The following DCC variants were observed in gnomAD, a reference collection of about 807,000 sequenced individuals.
DCC encodes DCC netrin 1 receptor, also known as netrin receptor DCC.
DCC carries 58 observed loss-of-function variants against 172.5 expected under a neutral mutation model. That is an observed-to-expected ratio of 0.34 (90% CI 0.27 to 0.42). DCC has a LOEUF of 0.42. Among genes scored for constraint, DCC ranks in the 10% least tolerant of loss-of-function variants. The pLI is 1.00. For synonymous variants in DCC, 709 were observed against 644.5 expected (o/e 1.10, Z -1.52); for missense variants, 1,740 against 1,791.0 (o/e 0.97, Z 0.51).
At chr18:52,816,738 C>G (rs1598832868) in intron 2 of DCC, 1 of 152,246 alleles carries the variant, frequency 6.6e-6, no homozygotes, top group East Asian at 1.9e-4. Context: ...ACAGCCGATG[C>G]AGCTGTCCCC....
At chr18:53,242,258 G>T (rs1334688179) in intron 12 of DCC, among the ~76,000 whole-genome samples, 1 of 152,140 alleles carries the variant, frequency 6.6e-6, no homozygotes, top group African/African-American at 2.4e-5. Flanking sequence ...TAATTGGCTA[G>T]TGTAGACCTG....
intron 8 of DCC, among the ~76,000 whole-genome samples, chr18:53,167,994 C>T (rs1029483625): frequency 6.6e-6 from 1 of 151,998 alleles, no homozygotes; most frequent in Non-Finnish European, 1.5e-5. Flanking sequence ...AAATGCAAAT[C>T]AAATCAAAAC....
chr18:52,975,701 T>C (rs1027391307), intron 5 of DCC, among the ~76,000 whole-genome samples: 5 of 152,220 alleles, frequency 3.3e-5, no homozygotes, highest in African/African-American at 4.8e-5. Context: ...CATTCATTTA[T>C]GGCTGCATAG....
intron 1 of DCC, among the ~76,000 whole-genome samples, chr18:52,649,970 T>A (rs1327821769): frequency 7.9e-6 from 1 of 127,206 alleles, no homozygotes; most frequent in Non-Finnish European, 1.6e-5. Context: ...AGATGATAGT[T>A]CTATTTTTTT....
chr18:52,809,314 GCTCCCAAGATGGCGGCAGGCCA>G (rs1196072990), intron 2 of DCC: 2 of 156,540 alleles, frequency 1.3e-5, no homozygotes, highest in Non-Finnish European at 2.8e-5. Flanking sequence ...TGTTCTTAGA[GCTCCCAAGATGGCGGCAGGCCA>G]CTCCCAAGAT....
intron 1 of DCC, among the ~76,000 whole-genome samples, chr18:52,710,852 ATAACT>A (rs2036281380): frequency 1.3e-5 from 2 of 152,200 alleles, no homozygotes; most frequent in African/African-American, 2.4e-5. Flanking sequence ...GATCTTAGAA[ATAACT>A]TTATTGTATT....
At chr18:52,633,744 C>T (rs2034720288) in intron 1 of DCC, among the ~76,000 whole-genome samples, 1 of 152,220 alleles carries the variant, frequency 6.6e-6, no homozygotes, top group South Asian at 2.1e-4. Flanking sequence ...GGAATAGCCT[C>T]TGACTCTCCT....
At chr18:53,462,252 C>T (rs1440663529) in intron 24 of DCC, among the ~76,000 whole-genome samples, 1 of 152,130 alleles carries the variant, frequency 6.6e-6, no homozygotes. Flanking sequence ...GGCCACACAG[C>T]AGGAGGTGAG....
chr18:52,986,650 C>T (rs1045436998), intron 5 of DCC, among the ~76,000 whole-genome samples: 5 of 151,790 alleles, frequency 3.3e-5, no homozygotes, highest in African/African-American at 1.2e-4. Context: ...TTATTTTTCT[C>T]TTCTAATTTC....
At chr18:53,184,464 A>G (rs1444488668) in intron 9 of DCC, among the ~76,000 whole-genome samples, 1 of 152,088 alleles carries the variant, frequency 6.6e-6, no homozygotes, top group East Asian at 1.9e-4. Flanking sequence ...GCTCTATGGT[A>G]TAGTCTACTA....
intron 27 of DCC, among the ~76,000 whole-genome samples, chr18:53,514,474 CA>C (rs34181011): frequency 0.49 from 74,780 of 151,412 alleles, 19,684 homozygotes; most frequent in East Asian, 0.75. Context: ...AACAGAGACA[CA>C]AAAAAAACCC....
chr18:52,632,074 A>G (rs1260775194), intron 1 of DCC, among the ~76,000 whole-genome samples: 1 of 152,156 alleles, frequency 6.6e-6, no homozygotes, highest in Non-Finnish European at 1.5e-5. Flanking sequence ...CAACTTCAGC[A>G]TCATTCCTTC....
At chr18:53,342,611 C>T (rs1029018766) in intron 15 of DCC, among the ~76,000 whole-genome samples, 1 of 150,160 alleles carries the variant, frequency 6.7e-6, no homozygotes, top group Non-Finnish European at 1.5e-5. Context: ...TTTATAATTT[C>T]TCTAATTTAT....
At chr18:53,454,524 T>A (rs1353020555) in intron 23 of DCC, among the ~76,000 whole-genome samples, 1 of 152,156 alleles carries the variant, frequency 6.6e-6, no homozygotes, top group African/African-American at 2.4e-5. Flanking sequence ...CTAGAACGCA[T>A]GGTTATTACA....
At chr18:52,372,438 G>A (rs554032393) in intron 1 of DCC, among the ~76,000 whole-genome samples, 10 of 152,258 alleles carry the variant, frequency 6.6e-5, no homozygotes, top group Admixed American at 5.9e-4. Flanking sequence ...CTGTACACTG[G>A]GAGTAGGGCT....
intron 2 of DCC, among the ~76,000 whole-genome samples, chr18:52,872,954 C>T (rs549885042): frequency 1.1e-4 from 17 of 152,128 alleles, no homozygotes; most frequent in South Asian, 6.2e-4. Context: ...TTTTCACAGA[C>T]GAACTAATGA....
In DCC at chr18:52,521,927, A is replaced by G. The variant is rs2031831093; in HGVS notation, c.91+181049A>G. Reference sequence around the variant, plus strand: ...TAAATATTTGTTGGAAGGATTAATGAATAAATGAATAATTTAGGCAAAATC... The same window carrying G: ...TAAATATTTGTTGGAAGGATTAATGGATAAATGAATAATTTAGGCAAAATC... On this transcript the variant is annotated intron_variant, in intron 1 of 28. Coordinates refer to ENST00000442544, the MANE Select transcript of DCC (RefSeq NM_005215.4). Among the ~76,000 whole-genome samples the G allele has an allele frequency of 2.0e-5, 3 of 152,176 alleles. No homozygotes were observed. In the South Asian group the frequency reaches 6.2e-4, roughly 31 times the overall value.
At chr18:52,384,565 T>C (rs1467150152) in intron 1 of DCC, among the ~76,000 whole-genome samples, 1 of 152,060 alleles carries the variant, frequency 6.6e-6, no homozygotes. Context: ...AACAAAAGCT[T>C]TTGCTGTTGT....
chr18:53,104,323 C>T (rs1460829140), intron 7 of DCC, among the ~76,000 whole-genome samples: 1 of 152,020 alleles, frequency 6.6e-6, no homozygotes, highest in Non-Finnish European at 1.5e-5. Context: ...ATAATTGAAT[C>T]ATGGGGCAGG....
Sources: allele counts gnomAD v4.1 joint callset (sites outside exome capture counted in the v4.1 genomes callset), GRCh38; gene constraint gnomAD v4.1.1; transcripts MANE v1.5; gene names NCBI Gene and HGNC (gene_info 2026-07-23, HGNC 2026-07-21).